Variants in PACC1 observed in about 807,000 individuals in gnomAD.
The protein encoded by PACC1 is proton activated chloride channel 1.
Under a neutral mutation model 39.7 loss-of-function variants are expected in PACC1, and 34 were observed. The ratio of observed to expected loss-of-function variants is 0.86; its 90% CI spans 0.65 to 1.14. The LOEUF (loss-of-function observed/expected upper bound fraction) is 1.14. PACC1 is among the 50% of genes most tolerant of loss of function. PACC1 has a pLI of 0.00. For missense variants in PACC1, 379 were observed against 436.4 expected, an observed-to-expected ratio of 0.87 and a Z score of 1.17; for synonymous variants, 127 against 160.6, an observed-to-expected ratio of 0.79 and a Z score of 1.58.
chr1:212,379,500 G>A (rs962677799), intron 5 of PACC1, among the ~76,000 whole-genome samples: 2 of 152,138 alleles, frequency 1.3e-5, no homozygotes, highest in Admixed American at 6.5e-5. Flanking sequence ...CATTAAGCCC[G>A]CACTAAGGGC....
chr1:212,413,499 G>A lies in PACC1; in HGVS notation c.36+1223C>T, dbSNP rs973244603. Reference sequence around the variant, plus strand: ...GAAAGCGGACCCCTATGGAACACATGGAACTTGAGGTAGCCCTTGACTTCT... The same window carrying A: ...GAAAGCGGACCCCTATGGAACACATAGAACTTGAGGTAGCCCTTGACTTCT... On this transcript the variant is annotated intron_variant, in intron 1 of 7. Coordinates refer to ENST00000261455, the MANE Select transcript of PACC1 (RefSeq NM_018252.3). Among the ~76,000 whole-genome samples, 4 of 152,330 alleles carry A rather than the reference G, an allele frequency of 2.6e-5. No homozygotes were observed. The South Asian group carries it at 8.3e-4, about 32-fold the overall frequency.
At chr1:212,380,483 A>G (rs1199761948) in intron 4 of PACC1, among the ~76,000 whole-genome samples, 1 of 152,044 alleles carries the variant, frequency 6.6e-6, no homozygotes, top group Admixed American at 6.5e-5. Context: ...CCAAAATTAT[A>G]TCAATATTCT....
chr1:212,373,824 AAAT>A (rs1234006491), intron 7 of PACC1, among the ~76,000 whole-genome samples: 7 of 152,316 alleles, frequency 4.6e-5, no homozygotes, highest in African/African-American at 1.7e-4. Flanking sequence ...CCCTCAGTTA[AAAT>A]GACCACTATC....
At chr1:212,392,135 T>C (rs1415435326) in intron 2 of PACC1, among the ~76,000 whole-genome samples, 1 of 151,970 alleles carries the variant, frequency 6.6e-6, no homozygotes. Context: ...CTCAGACACA[T>C]AATTGTCAGA....
At chr1:212,385,465 A>G in intron 3 of PACC1, 40 bp from the exon 4 acceptor site, 1 of 1,609,132 alleles carries the variant, frequency 6.2e-7, no homozygotes, top group Non-Finnish European at 8.5e-7. Flanking sequence ...CAGAAATCAC[A>G]CTCCTGACCA....
chr1:212,365,757 C>T (rs1660217491), intron 7 of PACC1, among the ~76,000 whole-genome samples: 1 of 152,130 alleles, frequency 6.6e-6, no homozygotes, highest in East Asian at 1.9e-4. Flanking sequence ...AATACTGACT[C>T]CTCCCTATAA....
intron 6 of PACC1, 85 bp from the exon 7 acceptor site, chr1:212,375,385 A>C: frequency 1.1e-6 from 1 of 923,266 alleles, no homozygotes; most frequent in Non-Finnish European, 1.8e-6. Context: ...GAGAGTAGGC[A>C]GGGGATCATA....
At chr1:212,371,579 C>T (rs1201399444) in intron 7 of PACC1, among the ~76,000 whole-genome samples, 1 of 150,160 alleles carries the variant, frequency 6.7e-6, no homozygotes, top group Non-Finnish European at 1.5e-5. Flanking sequence ...CACCTGATGG[C>T]TTCGTTGCTA....
chr1:212,380,071 G>A (rs1660822474), intron 4 of PACC1, 34 bp from the exon 5 acceptor site: 2 of 1,609,636 alleles, frequency 1.2e-6, no homozygotes, highest in Admixed American at 1.7e-5. Flanking sequence ...TCTCAGTCCT[G>A]GGAGAGTACA....
intron 2 of PACC1, among the ~76,000 whole-genome samples, chr1:212,387,923 G>A (rs911386820): frequency 3.8e-4 from 58 of 151,826 alleles, no homozygotes; most frequent in Non-Finnish European, 5.4e-4. Context: ...GCGTGGTGGC[G>A]CATGCCTGTA....
rs748452438 is a variant in PACC1 at position 212,385,395 on chromosome 1, A to G, written c.374T>C (p.Leu125Ser). The change falls in exon 4 of 8, where the codon TTG (leucine) becomes TCG (serine). Residue 125 changes from leucine to serine, a missense_variant. Coordinates refer to ENST00000261455, the MANE Select transcript of PACC1 (RefSeq NM_018252.3). ...CTCGTAATGGTGCTTACAGCTGAGC[A>G]ACTGGGCCTGACCGGGGTACAAGGC... ...GIALYPGQAQLLSCKHHYEVI... is the reference protein window; with the variant it reads ...GIALYPGQAQSLSCKHHYEVI... 16 of 1,614,068 alleles carry G rather than the reference A, an allele frequency of 9.9e-6. No individual in the cohort carries two copies. The highest frequency in any genetic ancestry group is 1.4e-5 in the Non-Finnish European group (16 of 1,179,992).
chr1:212,378,410 G>C (rs1378443415), intron 5 of PACC1, among the ~76,000 whole-genome samples: 1 of 152,248 alleles, frequency 6.6e-6, no homozygotes, highest in Non-Finnish European at 1.5e-5. Context: ...AAAATGCTAA[G>C]GCAGAGGCTC....
intron 2 of PACC1, among the ~76,000 whole-genome samples, chr1:212,397,259 GAAAC>G (rs961453079): frequency 1.3e-5 from 2 of 151,998 alleles, no homozygotes; most frequent in Admixed American, 6.6e-5. Flanking sequence ...AAAAAACAGA[GAAAC>G]AAACAAAAAA....
chr1:212,381,407 C>G (rs1306304550), intron 4 of PACC1, among the ~76,000 whole-genome samples: 1 of 152,124 alleles, frequency 6.6e-6, no homozygotes, highest in Non-Finnish European at 1.5e-5. Context: ...ATTTTTCAAC[C>G]TTTCTGTACC....
At chr1:212,408,692 C>A (rs921925038) in intron 2 of PACC1, among the ~76,000 whole-genome samples, 1 of 152,188 alleles carries the variant, frequency 6.6e-6, no homozygotes, top group African/African-American at 2.4e-5. Flanking sequence ...AAGGAGCAGG[C>A]AGAACCACAT....
At chr1:212,388,725 G>A (rs1441661287) in intron 2 of PACC1, among the ~76,000 whole-genome samples, 1 of 152,198 alleles carries the variant, frequency 6.6e-6, no homozygotes, top group Middle Eastern at 3.2e-3. Context: ...CCAGAACTGT[G>A]AGAAATAAAT....
Position 212,387,012 on chromosome 1 carries a change from G to A in PACC1, c.222C>T (p.Tyr74=). ...NVFSVLLIFI[Y]LLLMAVAVFL... is the part of the protein sequence containing the mutation. Reference sequence around the variant, plus strand: ...AGACGGCCACAGCCATGAGCAGCAGGTAGATGAAGATGAGTAGGACCGAGA... The same window carrying A: ...AGACGGCCACAGCCATGAGCAGCAGATAGATGAAGATGAGTAGGACCGAGA... Residue 74 remains tyrosine, a synonymous_variant, in exon 3 of 8, where the codon TAC becomes TAT. Coordinates refer to ENST00000261455, the MANE Select transcript of PACC1 (RefSeq NM_018252.3). 6.2e-7 allele frequency: 1 copy of A among 1,614,260 alleles called. No individual in the cohort carries two copies. Among genetic ancestry groups the A allele is most frequent in the Non-Finnish European group, 8.5e-7 (1 of 1,180,050 alleles).
chr1:212,414,369 C>T (rs1662252230), intron 1 of PACC1, among the ~76,000 whole-genome samples: 1 of 152,226 alleles, frequency 6.6e-6, no homozygotes, highest in Admixed American at 6.5e-5. Flanking sequence ...CGCCGGGTTC[C>T]TCTGGGCCAT....
At chr1:212,414,065 G>A (rs1036010458) in intron 1 of PACC1, 1 of 1,534,738 alleles carries the variant, frequency 6.5e-7, no homozygotes, top group African/African-American at 1.4e-5. Flanking sequence ...CTTGAAGGAA[G>A]CGCTGGACGC....
Sources: gnomAD v4.1 joint callset for allele counts (sites outside exome capture counted in the v4.1 genomes callset) on GRCh38, gnomAD v4.1.1 for gene constraint, MANE v1.5 for transcripts, NCBI Gene and HGNC (gene_info 2026-07-23, HGNC 2026-07-21) for gene names.